The following EYS variants were observed in gnomAD, a reference collection of about 807,000 sequenced individuals.
EYS encodes protein eyes shut homolog.
Under a neutral mutation model 282.1 loss-of-function variants are expected in EYS, and 250 were observed. The observed-to-expected ratio is 0.89, with a 90% CI of 0.80 to 0.98. The LOEUF is 0.98. EYS is among the 50% of genes least tolerant of loss of function. The pLI, the probability that EYS is intolerant of heterozygous loss-of-function variation, is 0.00. For synonymous variants in EYS, 1,355 were observed against 1,282.9 expected, an observed-to-expected ratio of 1.06 and a Z score of -1.20; for missense variants, 4,016 against 3,709.0, an observed-to-expected ratio of 1.08 and a Z score of -2.15.
chr6:64,784,306 A>G (rs1328486645), intron 22 of EYS, among the ~76,000 whole-genome samples: 1 of 152,074 alleles, frequency 6.6e-6, no homozygotes, highest in Non-Finnish European at 1.5e-5. Flanking sequence ...TTATTAGTGT[A>G]GCAGTTGTAT....
chr6:64,990,969 G>A, intron 14 of EYS, among the ~76,000 whole-genome samples: 1 of 151,446 alleles, frequency 6.6e-6, no homozygotes, highest in East Asian at 1.9e-4. Context: ...TAAAAGGGAA[G>A]AAATAAGGTT....
intron 28 of EYS, among the ~76,000 whole-genome samples, chr6:64,413,755 G>T (rs966123109): frequency 6.6e-6 from 1 of 152,118 alleles, no homozygotes; most frequent in Non-Finnish European, 1.5e-5. Flanking sequence ...AAAGATAAAA[G>T]AAAAACACTA....
intron 33 of EYS, among the ~76,000 whole-genome samples, chr6:64,046,128 C>T (rs1053258519): frequency 6.1e-5 from 9 of 147,510 alleles, no homozygotes; most frequent in South Asian, 4.2e-4. Context: ...TATTTAAATA[C>T]GTTAGAAATA....
chr6:64,838,441 T>G (rs1393591915), intron 19 of EYS, among the ~76,000 whole-genome samples: 1 of 151,944 alleles, frequency 6.6e-6, no homozygotes, highest in Admixed American at 6.6e-5. Context: ...TTCTTTTGCC[T>G]AGGGATGCTG....
intron 22 of EYS, among the ~76,000 whole-genome samples, chr6:64,752,447 T>A (rs573845166): frequency 6.6e-6 from 1 of 151,874 alleles, no homozygotes; most frequent in South Asian, 2.1e-4. Flanking sequence ...ATTAAACCAG[T>A]CAGACAAAAA....
chr6:65,252,834 G>C (rs1767362184), intron 12 of EYS, among the ~76,000 whole-genome samples: 1 of 151,928 alleles, frequency 6.6e-6, no homozygotes, highest in African/African-American at 2.4e-5. Flanking sequence ...TTTTCATTGG[G>C]TGGGTTCAAT....
chr6:65,512,479 C>T (rs113274256), intron 2 of EYS, among the ~76,000 whole-genome samples: 7,210 of 117,778 alleles, frequency 0.061, 245 homozygotes, highest in East Asian at 0.17. Context: ...GGCGACAGAG[C>T]GAGACTCTAT....
At chr6:65,144,095 C>T (rs1432357669) in intron 12 of EYS, among the ~76,000 whole-genome samples, 1 of 152,178 alleles carries the variant, frequency 6.6e-6, no homozygotes, top group South Asian at 2.1e-4. Flanking sequence ...AAATCACACT[C>T]CTCTCAATGC....
intron 12 of EYS, among the ~76,000 whole-genome samples, chr6:65,227,007 T>C (rs370060668): frequency 1.3e-5 from 2 of 152,146 alleles, no homozygotes; most frequent in African/African-American, 4.8e-5. Flanking sequence ...GGCCGAGGCC[T>C]GTGGATCACC....
intron 22 of EYS, among the ~76,000 whole-genome samples, chr6:64,705,816 G>A (rs1770985401): frequency 7.4e-6 from 1 of 134,594 alleles, no homozygotes; most frequent in Non-Finnish European, 1.6e-5. Context: ...ATCACACTCT[G>A]GGGACTGTTG....
chr6:65,065,093 CT>C (rs1239594285), intron 12 of EYS, among the ~76,000 whole-genome samples: 3 of 152,108 alleles, frequency 2.0e-5, no homozygotes, highest in African/African-American at 7.2e-5. Flanking sequence ...GACTAAGAAT[CT>C]AGGCGTGCTG....
At chr6:65,278,760 A>G (rs188408487) in intron 12 of EYS, among the ~76,000 whole-genome samples, 1 of 152,274 alleles carries the variant, frequency 6.6e-6, no homozygotes, top group East Asian at 1.9e-4. Context: ...AGATTGTACA[A>G]CAGTTCTGTG....
intron 2 of EYS, among the ~76,000 whole-genome samples, chr6:65,566,802 AT>A (rs777831081): frequency 2.0e-5 from 3 of 152,160 alleles, no homozygotes; most frequent in Non-Finnish European, 4.4e-5. Flanking sequence ...GGTTTATATG[AT>A]TTAGTAGTTT....
chr6:65,640,522 T>C (rs920306562), intron 1 of EYS, among the ~76,000 whole-genome samples: 3 of 152,214 alleles, frequency 2.0e-5, no homozygotes, highest in Non-Finnish European at 2.9e-5. Context: ...CTCCTCTGTC[T>C]GAAAAGTATT....
At chr6:64,212,512 G>T (rs566907094) in intron 31 of EYS, among the ~76,000 whole-genome samples, 249 of 150,618 alleles carry the variant, frequency 1.7e-3, no homozygotes, top group African/African-American at 5.8e-3. Flanking sequence ...ATATGATTTG[G>T]CTTCCACACC....
At position 64,851,523 on chromosome 6, in the gene EYS, A is replaced by T. The variant is rs145497523; in HGVS notation, c.2993-28701T>A. On this transcript the variant is annotated intron_variant, in intron 19 of 42. Transcript: ENST00000503581. ...TGATGTTATTTAGATTAAATTGTAG[A>T]CTTAGAGTTGGTGCTAAAATGGATT... Among the ~76,000 whole-genome samples the T allele has an allele frequency of 9.3e-4, 142 of 152,162 alleles. No homozygotes were observed. The East Asian group carries it at 0.024, about 26-fold the overall frequency.
intron 35 of EYS, among the ~76,000 whole-genome samples, chr6:63,913,891 G>A (rs538860479): frequency 6.6e-6 from 1 of 152,198 alleles, no homozygotes; most frequent in African/African-American, 2.4e-5. Context: ...GTCTATCAAT[G>A]TCATTTTTCC....
chr6:64,151,317 T>TTTTATA (rs1554212600), intron 31 of EYS, among the ~76,000 whole-genome samples: 2 of 52,472 alleles, frequency 3.8e-5, no homozygotes, highest in African/African-American at 1.9e-4. Context: ...GTGTGTATAT[T>TTTTATA]TATATATATA....
intron 12 of EYS, among the ~76,000 whole-genome samples, chr6:65,131,758 A>C (rs1449948528): frequency 6.6e-6 from 1 of 151,994 alleles, no homozygotes; most frequent in Non-Finnish European, 1.5e-5. Context: ...GTCATAAAAC[A>C]ACATTCAAAA....
Sources: gnomAD v4.1 joint callset for allele counts (sites outside exome capture counted in the v4.1 genomes callset) on GRCh38, gnomAD v4.1.1 for gene constraint, MANE v1.5 for transcripts, NCBI Gene and HGNC (gene_info 2026-07-23, HGNC 2026-07-21) for gene names.